Variants in IQSEC1 observed in about 807,000 individuals in gnomAD.
IQSEC1 encodes the protein IQ motif and SEC7 domain-containing protein 1.
Under a neutral mutation model 91.0 loss-of-function variants are expected in IQSEC1, and 31 were observed. The observed-to-expected ratio is 0.34, with a 90% CI of 0.26 to 0.46. The LOEUF (loss-of-function observed/expected upper bound fraction) is 0.46. IQSEC1 is among the 20% of genes least tolerant of loss of function. The pLI is 1.00. For synonymous variants in IQSEC1, 699 were observed against 662.6 expected (o/e 1.05, Z -0.84); for missense variants, 1,388 against 1,575.6 (o/e 0.88, Z 2.02).
intron 1 of IQSEC1, among the ~76,000 whole-genome samples, chr3:13,263,571 T>C (rs951044967): frequency 1.3e-5 from 2 of 152,096 alleles, no homozygotes; most frequent in Admixed American, 1.3e-4. Context: ...TCCTCCCAAG[T>C]AGCTGGGATT....
At chr3:13,184,208 A>G (rs906922335) in intron 1 of IQSEC1, among the ~76,000 whole-genome samples, 4 of 152,254 alleles carry the variant, frequency 2.6e-5, no homozygotes, top group Non-Finnish European at 1.5e-5. Flanking sequence ...AAGACATAGC[A>G]AGAAAGAGAA....
intron 2 of IQSEC1, among the ~76,000 whole-genome samples, chr3:13,149,326 T>A (rs1371142829): frequency 6.8e-6 from 1 of 147,216 alleles, no homozygotes; most frequent in South Asian, 2.1e-4. Flanking sequence ...TTGAAAGCCG[T>A]CCTGAAGAGC....
chr3:12,911,122 G>A (rs931280130), intron 10 of IQSEC1, among the ~76,000 whole-genome samples: 6 of 152,152 alleles, frequency 3.9e-5, no homozygotes, highest in Non-Finnish European at 7.4e-5. Context: ...CTATGATGGG[G>A]GCCCTGTGGC....
chr3:13,146,571 G>GA (rs1706901858), intron 2 of IQSEC1, among the ~76,000 whole-genome samples: 1 of 152,196 alleles, frequency 6.6e-6, no homozygotes, highest in Non-Finnish European at 1.5e-5. Context: ...AGGGCGCAGT[G>GA]GCTCATGCCT....
intron 1 of IQSEC1, among the ~76,000 whole-genome samples, chr3:13,002,376 A>G (rs1237753930): frequency 1.3e-5 from 2 of 152,164 alleles, no homozygotes; most frequent in African/African-American, 4.8e-5. Context: ...ACTTCAAAAG[A>G]CACCATCAAG....
intron 1 of IQSEC1, among the ~76,000 whole-genome samples, chr3:13,050,679 T>C (rs1042536831): frequency 6.6e-6 from 1 of 152,214 alleles, no homozygotes; most frequent in Non-Finnish European, 1.5e-5. Flanking sequence ...CTGTGCCCCA[T>C]TTTAGCTTTT....
At chr3:13,065,846 A>G (rs913759460) in intron 1 of IQSEC1, among the ~76,000 whole-genome samples, 5 of 152,240 alleles carry the variant, frequency 3.3e-5, no homozygotes, top group Admixed American at 1.3e-4. Flanking sequence ...GTGTCCATCA[A>G]TGGGTGAATG....
chr3:13,053,255 C>A, intron 1 of IQSEC1: 4 of 579,004 alleles, frequency 6.9e-6, no homozygotes, highest in Non-Finnish European at 1.2e-5. Context: ...GCCACCTGCA[C>A]GTCATCCTTG....
chr3:12,986,950 C>T, intron 1 of IQSEC1: 2 of 382,026 alleles, frequency 5.2e-6, no homozygotes, highest in Non-Finnish European at 1.0e-5. Flanking sequence ...GTGGGGCTGG[C>T]CCATCCCACC....
At chr3:13,009,369 T>C (rs373420138) in intron 1 of IQSEC1, among the ~76,000 whole-genome samples, 1 of 152,068 alleles carries the variant, frequency 6.6e-6, no homozygotes, top group Non-Finnish European at 1.5e-5. Flanking sequence ...ATTTCTGACA[T>C]GGTGTAATGT....
intron 2 of IQSEC1, among the ~76,000 whole-genome samples, chr3:13,078,533 C>T (rs1334550076): frequency 6.6e-6 from 1 of 152,098 alleles, no homozygotes; most frequent in Non-Finnish European, 1.5e-5. Context: ...TCCTCTGCCA[C>T]CAGCTATGGG....
intron 1 of IQSEC1, among the ~76,000 whole-genome samples, chr3:13,180,002 T>G (rs1392245679): frequency 2.8e-5 from 4 of 142,666 alleles, no homozygotes; most frequent in African/African-American, 1.2e-4. Context: ...CCCCACCCCC[T>G]CTCCGTGGGC....
intron 2 of IQSEC1, among the ~76,000 whole-genome samples, chr3:13,143,752 C>T (rs184402335): frequency 6.6e-6 from 1 of 152,286 alleles, no homozygotes; most frequent in African/African-American, 2.4e-5. Flanking sequence ...AACCAGTCCA[C>T]CTGAGCATGA....
Position 12,899,335 on chromosome 3 carries a change from C to G in IQSEC1, c.*1648G>C, listed in dbSNP as rs1410213843. 1.1e-5 allele frequency: 17 copies of G among 1,596,154 alleles called. No individual in the cohort carries two copies. In the Admixed American group the frequency reaches 1.5e-4, roughly 14 times the overall value. On this transcript the variant is annotated 3_prime_UTR_variant, in exon 14 of 14. Coordinates refer to ENST00000613206, the MANE Select transcript of IQSEC1 (RefSeq NM_001134382.3). ...GAGTCAGGCGTGAGCTTCGCCCTTT[C>G]TGAAAGGGCCTCCGCCTGGGCAGGC...
In IQSEC1 at chr3:12,936,530, C is replaced by T; in HGVS notation, c.486G>A (p.Arg162=). 6.2e-7 allele frequency: 1 copy of T among 1,613,500 alleles called. No homozygotes were observed. The highest frequency in any genetic ancestry group is 8.5e-7 in the Non-Finnish European group (1 of 1,180,034). The change falls in exon 3 of 14, where the codon AGG becomes AGA. Residue 162 remains arginine (R), a synonymous_variant. Transcript: ENST00000613206. Reference sequence around the variant, plus strand: ...CAGGCCCCTCAAAGGAGAACTGCATCCTCATGTTGGACAGCACAATCCGGC... The same window carrying T: ...CAGGCCCCTCAAAGGAGAACTGCATTCTCATGTTGGACAGCACAATCCGGC... ...MSRRIVLSNM[R]MQFSFEGPEK... is the part of the protein sequence containing the mutation.
chr3:12,997,753 G>GAAC (rs1226355658), intron 1 of IQSEC1, among the ~76,000 whole-genome samples: 2 of 152,072 alleles, frequency 1.3e-5, no homozygotes, highest in Non-Finnish European at 2.9e-5. Context: ...AAAAAAACAT[G>GAAC]AACAACTCAA....
At chr3:13,089,206 T>G (rs575171789) in intron 2 of IQSEC1, among the ~76,000 whole-genome samples, 10 of 152,340 alleles carry the variant, frequency 6.6e-5, no homozygotes, top group African/African-American at 2.4e-4. Context: ...CCCTAAAATA[T>G]AAACAACCCA....
intron 1 of IQSEC1, among the ~76,000 whole-genome samples, chr3:13,180,670 C>A (rs1693825256): frequency 6.6e-6 from 1 of 151,280 alleles, no homozygotes; most frequent in African/African-American, 2.5e-5. Flanking sequence ...TGAGCTGTAA[C>A]ACTCACTGCG....
chr3:13,197,592 C>T (rs1242547845), intron 1 of IQSEC1, among the ~76,000 whole-genome samples: 2 of 152,228 alleles, frequency 1.3e-5, no homozygotes, highest in Non-Finnish European at 2.9e-5. Flanking sequence ...TATTCAGCAG[C>T]ATCTTGACAG....
Sources: allele counts gnomAD v4.1 joint callset (sites outside exome capture counted in the v4.1 genomes callset), GRCh38; gene constraint gnomAD v4.1.1; transcripts MANE v1.5; gene names NCBI Gene and HGNC (gene_info 2026-07-23, HGNC 2026-07-21).